Variants in PCDH15 observed in about 807,000 individuals in gnomAD.
PCDH15 encodes the protein protocadherin-15.
In PCDH15, 129 loss-of-function variants were observed where a neutral mutation model predicts 178.5. The ratio of observed to expected loss-of-function variants is 0.72; its 90% CI spans 0.63 to 0.84. The LOEUF (loss-of-function observed/expected upper bound fraction) is 0.84. Ranked by LOEUF, PCDH15 falls within the 40% of genes least tolerant of loss-of-function variation. PCDH15 has a pLI of 0.00. For synonymous variants in PCDH15, 800 were observed against 732.0 expected (o/e 1.09, Z -1.50); for missense variants, 2,230 against 2,099.9 (o/e 1.06, Z -1.21).
intron 3 of PCDH15, among the ~76,000 whole-genome samples, chr10:54,487,474 T>G (rs1351332389): frequency 6.6e-6 from 1 of 152,098 alleles, no homozygotes; most frequent in Non-Finnish European, 1.5e-5. Flanking sequence ...AAAATTACAC[T>G]GTTGTCACAT....
At chr10:55,521,231 T>C (rs1187655075) in intron 2 of PCDH15, among the ~76,000 whole-genome samples, 3 of 152,032 alleles carry the variant, frequency 2.0e-5, no homozygotes, top group East Asian at 3.9e-4. Context: ...GATTTATCCA[T>C]GCTGATGCAA....
At chr10:54,477,598 T>G (rs1030361271) in intron 3 of PCDH15, among the ~76,000 whole-genome samples, 1 of 152,202 alleles carries the variant, frequency 6.6e-6, no homozygotes, top group African/African-American at 2.4e-5. Flanking sequence ...ATTTTTTAAC[T>G]TTTATTTTTT....
intron 3 of PCDH15, among the ~76,000 whole-genome samples, chr10:54,447,687 G>A (rs1319061040): frequency 6.6e-6 from 1 of 151,666 alleles, no homozygotes; most frequent in East Asian, 1.9e-4. Context: ...TCAAATGGTA[G>A]TAATAGCCTA....
chr10:54,155,399 G>T (rs1178945757), intron 13 of PCDH15, among the ~76,000 whole-genome samples: 1 of 152,094 alleles, frequency 6.6e-6, no homozygotes, highest in East Asian at 1.9e-4. Flanking sequence ...AACACAATTA[G>T]CTCTGCAGAA....
chr10:54,632,813 A>G (rs1360338270), intron 2 of PCDH15, among the ~76,000 whole-genome samples: 1 of 151,990 alleles, frequency 6.6e-6, no homozygotes, highest in Non-Finnish European at 1.5e-5. Context: ...TATTCCATAG[A>G]CTCTAAAGTC....
At chr10:54,607,965 C>T (rs751648830) in intron 2 of PCDH15, 3 of 499,876 alleles carry the variant, frequency 6.0e-6, no homozygotes. Flanking sequence ...AATACTTCCG[C>T]ACTTTGGAAA....
chr10:54,422,942 C>G (rs564154215), intron 3 of PCDH15, among the ~76,000 whole-genome samples: 2 of 152,064 alleles, frequency 1.3e-5, no homozygotes, highest in South Asian at 4.2e-4. Flanking sequence ...AATAATTAAC[C>G]ACAAAAATAT....
At chr10:54,792,581 CA>C (rs1951527354) in intron 1 of PCDH15, among the ~76,000 whole-genome samples, 1 of 151,872 alleles carries the variant, frequency 6.6e-6, no homozygotes, top group Non-Finnish European at 1.5e-5. Flanking sequence ...CCGAACAGAA[CA>C]AAAGTTGCTC....
chr10:55,529,992 A>G (rs1288907780), intron 2 of PCDH15, among the ~76,000 whole-genome samples: 1 of 151,560 alleles, frequency 6.6e-6, no homozygotes, highest in Admixed American at 6.6e-5. Context: ...AAGCATAAAA[A>G]AACAATTACC....
intron 2 of PCDH15, chr10:55,599,738 G>A: frequency 2.5e-6 from 1 of 401,502 alleles, no homozygotes; most frequent in Non-Finnish European, 4.4e-6. Flanking sequence ...AAAGTAAAAG[G>A]AACTCGGCAC....
Position 54,394,016 on chromosome 10 carries a change from G to A in PCDH15, c.158-15074C>T, listed in dbSNP as rs138916507. Among the ~76,000 whole-genome samples the A allele has an allele frequency of 2.8e-3, 417 of 151,440 alleles. 3 individuals carry two copies. The highest frequency in any genetic ancestry group is 9.8e-3 in the African/African-American group (403 of 41,208). On this transcript the variant is annotated intron_variant, in intron 3 of 37. Coordinates refer to ENST00000644397, the MANE Select transcript of PCDH15 (RefSeq NM_001384140.1). ...AGGAGAGAAGGGAAAAAGAAAAGAC[G>A]AAGAAAAGAAGAAAGAAAAAGGAAG... is the stretch of plus-strand genomic sequence containing the variant.
Position 54,267,545 on chromosome 10 carries a change from C to T in PCDH15, c.877-30614G>A, listed in dbSNP as rs190927573. Among the ~76,000 whole-genome samples, 210 of 149,160 alleles carry T rather than the reference C, an allele frequency of 1.4e-3. 1 individual carries two copies. The highest frequency in any genetic ancestry group is 2.8e-3 in the African/African-American group (116 of 41,318). On this transcript the variant is annotated intron_variant, in intron 8 of 37. Coordinates refer to ENST00000644397, the MANE Select transcript of PCDH15 (RefSeq NM_001384140.1). The stretch of plus-strand genomic sequence containing the variant: ...AAACCCTAATGATTCTGACCAAAGA[C>T]GCCTAAAGTTGATTAAAAATTTCAG...
chr10:54,724,076 G>A (rs1184228135), intron 1 of PCDH15, among the ~76,000 whole-genome samples: 1 of 151,702 alleles, frequency 6.6e-6, no homozygotes, highest in Non-Finnish European at 1.5e-5. Flanking sequence ...GTAGGAAAAA[G>A]GCATCTGCAT....
intron 1 of PCDH15, among the ~76,000 whole-genome samples, chr10:54,672,889 G>A (rs12573096): frequency 0.01 from 1,565 of 151,984 alleles, 26 homozygotes; most frequent in East Asian, 0.055. Context: ...AGGAAATAAG[G>A]TTTTAAATAA....
chr10:54,237,219 T>C (rs1183303337), intron 8 of PCDH15, among the ~76,000 whole-genome samples: 1 of 152,126 alleles, frequency 6.6e-6, no homozygotes, highest in Non-Finnish European at 1.5e-5. Flanking sequence ...TTTAATCTTC[T>C]CTAGAGGATT....
At chr10:55,365,725 T>C (rs2131983535) in intron 2 of PCDH15, among the ~76,000 whole-genome samples, 1 of 152,230 alleles carries the variant, frequency 6.6e-6, no homozygotes, top group East Asian at 1.9e-4. Flanking sequence ...ATCTGAGACA[T>C]GCCTTTCACC....
chr10:54,191,751 CAAA>C (rs10564694), intron 11 of PCDH15, among the ~76,000 whole-genome samples: 62,042 of 130,550 alleles, frequency 0.48, 15,761 homozygotes, highest in East Asian at 0.93. Context: ...ACAAAAAATG[CAAA>C]AAAAAAAAAA....
chr10:54,406,019 G>T (rs971914490), intron 3 of PCDH15, among the ~76,000 whole-genome samples: 2 of 151,866 alleles, frequency 1.3e-5, no homozygotes, highest in African/African-American at 4.8e-5. Flanking sequence ...TATCTACATT[G>T]GTTAGAGATG....
chr10:54,555,736 CAA>C (rs869032040), intron 2 of PCDH15, among the ~76,000 whole-genome samples: 8,400 of 72,856 alleles, frequency 0.12, 154 homozygotes, highest in Non-Finnish European at 0.17. Flanking sequence ...GACTCTGTCT[CAA>C]AAAAAAAAAA....
Sources: gnomAD v4.1 joint callset for allele counts (sites outside exome capture counted in the v4.1 genomes callset) on GRCh38, gnomAD v4.1.1 for gene constraint, MANE v1.5 for transcripts, NCBI Gene and HGNC (gene_info 2026-07-23, HGNC 2026-07-21) for gene names.